RNGTT: variants seen among roughly 807,000 people sequenced by gnomAD.
RNGTT encodes the protein RNA guanylyltransferase and 5'-phosphatase.
RNGTT carries 33 observed loss-of-function variants against 79.3 expected under a neutral mutation model. The ratio of observed to expected loss-of-function variants is 0.42; its 90% confidence interval spans 0.32 to 0.56. RNGTT has a LOEUF of 0.56. Ranked by LOEUF, RNGTT falls within the 20% of genes least tolerant of loss-of-function variation. The pLI is 0.17. For missense variants in RNGTT, 497 were observed against 739.1 expected, an observed-to-expected ratio of 0.67 and a Z score of 3.80; for synonymous variants, 222 against 235.9, an observed-to-expected ratio of 0.94 and a Z score of 0.54.
At chr6:88,825,914 T>C (rs903897926) in intron 11 of RNGTT, among the ~76,000 whole-genome samples, 11 of 152,238 alleles carry the variant, frequency 7.2e-5, no homozygotes, top group Non-Finnish European at 1.2e-4. Context: ...GATGGCACAA[T>C]GGTAGAACAC....
chr6:88,634,213 T>C (rs1205455314), intron 14 of RNGTT, among the ~76,000 whole-genome samples: 2 of 152,164 alleles, frequency 1.3e-5, no homozygotes, highest in African/African-American at 2.4e-5. Flanking sequence ...ACTCTTCACA[T>C]TTTTATAAGC....
intron 4 of RNGTT, among the ~76,000 whole-genome samples, chr6:88,906,672 T>TA (rs1264579169): frequency 6.6e-6 from 1 of 152,204 alleles, no homozygotes; most frequent in African/African-American, 2.4e-5. Flanking sequence ...TTTATTGATG[T>TA]AAAACTGTCT....
chr6:88,849,720 T>A (rs1214331580), intron 10 of RNGTT, 35 bp downstream of exon 10: 12 of 1,476,748 alleles, frequency 8.1e-6, no homozygotes, highest in East Asian at 2.6e-5. Context: ...ATTATTTCAG[T>A]AATAACTTGT....
chr6:88,625,758 C>T (rs1562155764), intron 14 of RNGTT, among the ~76,000 whole-genome samples: 3 of 150,852 alleles, frequency 2.0e-5, no homozygotes, highest in Non-Finnish European at 4.4e-5. Context: ...AAAAATAATA[C>T]AAAAAAAACA....
intron 12 of RNGTT, among the ~76,000 whole-genome samples, chr6:88,770,539 C>T (rs1362902878): frequency 6.6e-6 from 1 of 152,160 alleles, no homozygotes; most frequent in African/African-American, 2.4e-5. Flanking sequence ...ATTGTTTACA[C>T]ATTTACAAGG....
chr6:88,697,175 CACTT>C (rs1236738943), intron 13 of RNGTT, among the ~76,000 whole-genome samples: 10 of 152,300 alleles, frequency 6.6e-5, no homozygotes, highest in South Asian at 6.2e-4. Context: ...ACCTCAGTCT[CACTT>C]ACAGAATATA....
At chr6:88,698,531 T>TA (rs1406868928) in intron 13 of RNGTT, among the ~76,000 whole-genome samples, 1 of 151,424 alleles carries the variant, frequency 6.6e-6, no homozygotes, top group Non-Finnish European at 1.5e-5. Context: ...CTATCATTTG[T>TA]AAAAGGCCTT....
intron 13 of RNGTT, among the ~76,000 whole-genome samples, chr6:88,701,139 A>AAAGAAG (rs900248185): frequency 6.6e-6 from 1 of 152,046 alleles, no homozygotes; most frequent in South Asian, 2.1e-4. Context: ...AAGAAAGAAT[A>AAAGAAG]AAGAAGAAGA....
At chr6:88,679,216 G>C (rs1189320363) in intron 13 of RNGTT, among the ~76,000 whole-genome samples, 1 of 152,124 alleles carries the variant, frequency 6.6e-6, no homozygotes. Flanking sequence ...CCTCCAATAA[G>C]GGGTATAACA....
At chr6:88,953,659 G>C (rs1311188123) in intron 1 of RNGTT, among the ~76,000 whole-genome samples, 2 of 152,136 alleles carry the variant, frequency 1.3e-5, no homozygotes, top group Non-Finnish European at 2.9e-5. Flanking sequence ...TCATTACCTA[G>C]GCACATAGTT....
At chr6:88,696,601 T>TAC (rs67058652) in intron 13 of RNGTT, among the ~76,000 whole-genome samples, 11,950 of 147,508 alleles carry the variant, frequency 0.081, 538 homozygotes, top group African/African-American at 0.14. Flanking sequence ...AATCCTGAAG[T>TAC]ACACACACAC....
At chr6:88,909,820 AT>A (rs1693002238) in intron 4 of RNGTT, among the ~76,000 whole-genome samples, 1 of 152,308 alleles carries the variant, frequency 6.6e-6, no homozygotes, top group African/African-American at 2.4e-5. Context: ...CTGCTTCAAC[AT>A]GCAAAGCCTG....
rs114228615 is a variant in RNGTT at position 88,791,438 on chromosome 6, A to T, written c.1338+10126T>A. Among the ~76,000 whole-genome samples, 1,119 of 152,060 alleles carry T rather than the reference A, an allele frequency of 7.4e-3. 14 individuals are homozygous for T. Among genetic ancestry groups the T allele is most frequent in the African/African-American group, 0.024 (1,003 of 41,484 alleles). ...TCCAGATCTGTAAGGGAATAAATGT[A>T]TGTTGTTTTAAGCCATCAAGTGTGT... On this transcript the variant is annotated intron_variant, in intron 12 of 15. Transcript: ENST00000369485.
At chr6:88,659,697 G>T (rs926880298) in intron 14 of RNGTT, among the ~76,000 whole-genome samples, 16 of 152,020 alleles carry the variant, frequency 1.1e-4, no homozygotes, top group African/African-American at 3.9e-4. Flanking sequence ...TCCTGAGGAA[G>T]AAGAGAAATC....
chr6:88,848,558 T>A (rs552309472), intron 10 of RNGTT, among the ~76,000 whole-genome samples: 51 of 152,196 alleles, frequency 3.4e-4, no homozygotes, highest in African/African-American at 1.2e-3. Context: ...GACATATTAG[T>A]ACAAATAAAT....
intron 14 of RNGTT, among the ~76,000 whole-genome samples, chr6:88,636,444 G>C (rs928857091): frequency 3.9e-5 from 6 of 151,992 alleles, no homozygotes; most frequent in Non-Finnish European, 5.9e-5. Context: ...AACTCAGGCA[G>C]CTAGTCATGG....
At chr6:88,632,532 CACAGACACACAG>C (rs1772932640) in intron 14 of RNGTT, among the ~76,000 whole-genome samples, 2 of 82,314 alleles carry the variant, frequency 2.4e-5, no homozygotes, top group Admixed American at 1.5e-4. Context: ...ACTACAGACA[CACAGACACACAG>C]ACACACACAC....
At chr6:88,835,983 C>CACACAT (rs2127893253) in intron 11 of RNGTT, among the ~76,000 whole-genome samples, 1 of 110,544 alleles carries the variant, frequency 9.0e-6, no homozygotes, top group East Asian at 2.2e-4. Context: ...AAAACACACA[C>CACACAT]ACACACACAC....
intron 13 of RNGTT, among the ~76,000 whole-genome samples, chr6:88,700,010 A>C (rs1439688425): frequency 6.6e-6 from 1 of 152,174 alleles, no homozygotes; most frequent in Admixed American, 6.5e-5. Context: ...AGTGGCAGGA[A>C]ATTAATAATG....
Sources: gnomAD v4.1 joint callset for allele counts (sites outside exome capture counted in the v4.1 genomes callset) on GRCh38, gnomAD v4.1.1 for gene constraint, MANE v1.5 for transcripts, NCBI Gene and HGNC (gene_info 2026-07-23, HGNC 2026-07-21) for gene names.